Variants in DCC observed in about 807,000 individuals in gnomAD.
The protein encoded by DCC is netrin receptor DCC.
DCC carries 58 observed loss-of-function variants against 172.5 expected under a neutral mutation model. The observed-to-expected ratio is 0.34, with a 90% CI of 0.27 to 0.42. The LOEUF (loss-of-function observed/expected upper bound fraction) is 0.42. Ranked by LOEUF, DCC falls within the 10% of genes least tolerant of loss-of-function variation. DCC has a pLI of 1.00. For missense variants in DCC, 1,740 were observed against 1,791.0 expected, an observed-to-expected ratio of 0.97 and a Z score of 0.51; for synonymous variants, 709 against 644.5, an observed-to-expected ratio of 1.10 and a Z score of -1.52.
At chr18:52,771,843 T>A (rs1438025099) in intron 2 of DCC, among the ~76,000 whole-genome samples, 8 of 144,420 alleles carry the variant, frequency 5.5e-5, no homozygotes, top group Non-Finnish European at 9.0e-5. Flanking sequence ...AAATTTGGTG[T>A]GTAACAGAAT....
At chr18:53,284,650 G>T (rs2056915420) in intron 12 of DCC, among the ~76,000 whole-genome samples, 1 of 152,134 alleles carries the variant, frequency 6.6e-6, no homozygotes, top group South Asian at 2.1e-4. Flanking sequence ...AGTGGGAGTA[G>T]GGCACTGCTG....
intron 5 of DCC, among the ~76,000 whole-genome samples, chr18:53,043,728 T>C (rs2042200258): frequency 6.6e-6 from 1 of 151,946 alleles, no homozygotes; most frequent in Admixed American, 6.6e-5. Flanking sequence ...CAAAGTTGTG[T>C]TTTAGATAGT....
intron 1 of DCC, among the ~76,000 whole-genome samples, chr18:52,441,824 C>T (rs561151553): frequency 6.6e-6 from 1 of 152,310 alleles, no homozygotes; most frequent in African/African-American, 2.4e-5. Context: ...ACAAGATTAG[C>T]AAATCATCCA....
intron 25 of DCC, among the ~76,000 whole-genome samples, chr18:53,469,148 C>G (rs1296807764): frequency 6.6e-6 from 1 of 152,170 alleles, no homozygotes; most frequent in Non-Finnish European, 1.5e-5. Context: ...TTCGTGTCCT[C>G]ATTTATCTGC....
intron 1 of DCC, among the ~76,000 whole-genome samples, chr18:52,586,033 A>G (rs1191343994): frequency 7.3e-6 from 1 of 137,586 alleles, no homozygotes; most frequent in African/African-American, 2.7e-5. Context: ...CAGTGAGCCG[A>G]AATTGTGCCA....
At chr18:53,120,441 C>T (rs2043467980) in intron 7 of DCC, among the ~76,000 whole-genome samples, 1 of 151,310 alleles carries the variant, frequency 6.6e-6, no homozygotes, top group Non-Finnish European at 1.5e-5. Flanking sequence ...TATTCTTTAC[C>T]ACATATAGGA....
chr18:52,415,444 C>A (rs987327747), intron 1 of DCC, among the ~76,000 whole-genome samples: 2 of 152,252 alleles, frequency 1.3e-5, no homozygotes, highest in African/African-American at 2.4e-5. Flanking sequence ...TATGGACTAA[C>A]GGTGCATATA....
At chr18:53,076,768 G>A (rs1181963677) in intron 7 of DCC, among the ~76,000 whole-genome samples, 1 of 152,162 alleles carries the variant, frequency 6.6e-6, no homozygotes, top group Non-Finnish European at 1.5e-5. Context: ...AAGTAAATAT[G>A]TCACCCAGAG....
At chr18:53,382,077 C>T (rs978110756) in intron 15 of DCC, among the ~76,000 whole-genome samples, 3 of 111,322 alleles carry the variant, frequency 2.7e-5, no homozygotes, top group South Asian at 2.8e-4. Context: ...ACAACACACA[C>T]ACACACACAC....
At chr18:53,017,578 T>C (rs1231834634) in intron 5 of DCC, among the ~76,000 whole-genome samples, 43 of 152,190 alleles carry the variant, frequency 2.8e-4, no homozygotes, top group Non-Finnish European at 1.5e-5. Flanking sequence ...AGTCTTAAAC[T>C]GGGATTTATA....
At chr18:52,473,913 A>T (rs1989015660) in intron 1 of DCC, among the ~76,000 whole-genome samples, 1 of 152,020 alleles carries the variant, frequency 6.6e-6, no homozygotes, top group Non-Finnish European at 1.5e-5. Flanking sequence ...ACTCCACCAA[A>T]GCCCCTTCCA....
chr18:52,420,935 T>G (rs1346775421), intron 1 of DCC, among the ~76,000 whole-genome samples: 1 of 152,162 alleles, frequency 6.6e-6, no homozygotes, highest in Admixed American at 6.6e-5. Context: ...ATTTAAGGAC[T>G]TATTCAGATC....
intron 1 of DCC, among the ~76,000 whole-genome samples, chr18:52,515,500 G>A (rs1029753594): frequency 5.5e-4 from 83 of 150,006 alleles, no homozygotes; most frequent in Non-Finnish European, 6.2e-4. Flanking sequence ...CCAGCTACTC[G>A]GGAGGCTGAG....
intron 7 of DCC, among the ~76,000 whole-genome samples, chr18:53,104,960 A>C (rs2043223677): frequency 6.6e-6 from 1 of 152,094 alleles, no homozygotes; most frequent in African/African-American, 2.4e-5. Flanking sequence ...ACAGAGAAGA[A>C]AAGTAAGTTA....
chr18:53,215,624 C>A, intron 12 of DCC, 27 bp downstream of exon 12: 2 of 1,574,114 alleles, frequency 1.3e-6, no homozygotes, highest in South Asian at 2.2e-5. Context: ...TTCACTACTC[C>A]ATTACCTATC....
At chr18:53,289,611 T>A (rs1312295309) in intron 12 of DCC, among the ~76,000 whole-genome samples, 1 of 152,062 alleles carries the variant, frequency 6.6e-6, no homozygotes, top group Non-Finnish European at 1.5e-5. Context: ...ATTGAACAAA[T>A]TAATAAAGTG....
chr18:52,430,665 C>T (rs1174387172), intron 1 of DCC, among the ~76,000 whole-genome samples: 1 of 152,116 alleles, frequency 6.6e-6, no homozygotes, highest in African/African-American at 2.4e-5. Context: ...TGCAAAACCG[C>T]TGTGGAATAA....
intron 21 of DCC, among the ~76,000 whole-genome samples, chr18:53,428,383 T>TA (rs1911230350): frequency 2.1e-5 from 1 of 48,210 alleles, no homozygotes; most frequent in African/African-American, 6.1e-5. Context: ...TTATAATATA[T>TA]TGTATATAAT....
intron 1 of DCC, among the ~76,000 whole-genome samples, chr18:52,652,887 C>CAG (rs1438825689): frequency 6.6e-6 from 1 of 151,980 alleles, no homozygotes; most frequent in Non-Finnish European, 1.5e-5. Flanking sequence ...CACAAGTATC[C>CAG]AGAGCTTTCC....
Sources: gnomAD v4.1 joint callset for allele counts (sites outside exome capture counted in the v4.1 genomes callset) on GRCh38, gnomAD v4.1.1 for gene constraint, MANE v1.5 for transcripts, NCBI Gene and HGNC (gene_info 2026-07-23, HGNC 2026-07-21) for gene names.